Variants in GPHN observed in about 807,000 individuals in gnomAD.
GPHN encodes gephyrin.
A neutral mutation model predicts 95.5 loss-of-function variants in GPHN; 17 were observed. That is an observed-to-expected ratio of 0.18 (90% CI 0.12 to 0.27). The LOEUF (loss-of-function observed/expected upper bound fraction) is 0.27. Among genes scored for constraint, GPHN ranks in the 10% least tolerant of loss-of-function variants. GPHN has a pLI of 1.00. For synonymous variants in GPHN, 320 were observed against 322.5 expected (o/e 0.99, Z 0.08); for missense variants, 660 against 978.1 (o/e 0.67, Z 4.34).
the GPHN span, among the ~76,000 whole-genome samples, chr14:67,539,693 G>A: frequency 6.6e-6 from 1 of 152,032 alleles, no homozygotes; most frequent in Non-Finnish European, 1.5e-5. Flanking sequence ...TTTTGGATGG[G>A]TAAAGAGCAC....
rs150197862 is a variant in GPHN at position 66,808,992 on chromosome 14, A to C, written c.202-15482A>C. On this transcript the variant is annotated intron_variant, in intron 3 of 22. Coordinates refer to ENST00000478722, the MANE Select transcript of GPHN (RefSeq NM_020806.5). ...TTTTCAGAAGTTCAAGTGTGGCTAA[A>C]GTCAAGGGATTATTAATTCTATTTG... 3.2e-3 allele frequency among the ~76,000 whole-genome samples: 488 copies of C among 152,322 alleles called. 2 individuals are homozygous for C. Among genetic ancestry groups the C allele is most frequent in the African/African-American group, 0.011 (463 of 41,566 alleles).
At chr14:67,404,488 G>A in the GPHN span, among the ~76,000 whole-genome samples, 8 of 151,988 alleles carry the variant, frequency 5.3e-5, no homozygotes, top group African/African-American at 1.9e-4. Flanking sequence ...ACCTCTAGTA[G>A]TAGTATTTTA....
the GPHN span, chr14:67,578,307 G>A: frequency 3.0e-5 from 30 of 986,620 alleles, no homozygotes; most frequent in African/African-American, 2.8e-4. This position sits in a 1 kb window ranked among gnomAD's most constrained non-coding sequence, Gnocchi z 5.0. Context: ...CCCAGCCAGC[G>A]GGCAGCCTCT....
chr14:66,529,547 CT>C (rs1318200084), intron 1 of GPHN, among the ~76,000 whole-genome samples: 1 of 152,064 alleles, frequency 6.6e-6, no homozygotes, highest in African/African-American at 2.4e-5. Flanking sequence ...AAGAGACGTT[CT>C]GGTTTTTGGA....
At chr14:66,637,784 G>A (rs2064178378) in intron 1 of GPHN, among the ~76,000 whole-genome samples, 1 of 152,242 alleles carries the variant, frequency 6.6e-6, no homozygotes. Flanking sequence ...GGGGAAACTG[G>A]TAAGTATGAG....
At chr14:67,543,972 A>G in the GPHN span, among the ~76,000 whole-genome samples, 1 of 152,146 alleles carries the variant, frequency 6.6e-6, no homozygotes, top group Non-Finnish European at 1.5e-5. Context: ...TGGCCTCCCT[A>G]GAGTAATGTA....
intron 11 of GPHN, among the ~76,000 whole-genome samples, chr14:67,078,678 A>G (rs1318533597): frequency 1.3e-5 from 2 of 152,150 alleles, no homozygotes; most frequent in East Asian, 1.9e-4. Context: ...ACATTGAATG[A>G]AGTCTAATAC....
At chr14:66,806,786 A>C (rs2060560931) in intron 3 of GPHN, among the ~76,000 whole-genome samples, 1 of 152,186 alleles carries the variant, frequency 6.6e-6, no homozygotes, top group African/African-American at 2.4e-5. Flanking sequence ...TATTGCTATC[A>C]GCATTTTGGG....
the GPHN span, chr14:67,395,384 G>A: frequency 1.6e-5 from 25 of 1,610,412 alleles, no homozygotes; most frequent in Middle Eastern, 5.1e-4. Flanking sequence ...CACAGAGCCC[G>A]GCAAGTGGGG....
intron 1 of GPHN, among the ~76,000 whole-genome samples, chr14:66,569,600 T>A (rs562914736): frequency 8.6e-5 from 13 of 151,980 alleles, no homozygotes; most frequent in South Asian, 2.1e-4. Context: ...GAGGCGGAGG[T>A]TGCAGTGAGC....
chr14:67,550,966 A>G, the GPHN span, among the ~76,000 whole-genome samples: 1 of 152,234 alleles, frequency 6.6e-6, no homozygotes, highest in South Asian at 2.1e-4. Context: ...GAGTTAATGC[A>G]TGTACAGTGC....
chr14:67,325,246 C>T, the GPHN span, among the ~76,000 whole-genome samples: 7 of 151,630 alleles, frequency 4.6e-5, no homozygotes. Context: ...ATTAACCCTT[C>T]CTCTTCCTCT....
chr14:66,698,881 G>A (rs2153413108), intron 2 of GPHN, among the ~76,000 whole-genome samples: 1 of 152,160 alleles, frequency 6.6e-6, no homozygotes, highest in African/African-American at 2.4e-5. Flanking sequence ...TCTATGTTTG[G>A]TTGAAAAAAA....
the GPHN span, among the ~76,000 whole-genome samples, chr14:67,632,709 A>G: frequency 1.9e-4 from 29 of 152,076 alleles, no homozygotes; most frequent in Middle Eastern, 6.8e-3. Context: ...GTCATTATGA[A>G]GATTCACATA....
At chr14:66,908,906 A>C (rs1401528960) in intron 5 of GPHN, among the ~76,000 whole-genome samples, 2 of 152,024 alleles carry the variant, frequency 1.3e-5, no homozygotes, top group Non-Finnish European at 2.9e-5. Context: ...AAAACAAGGA[A>C]AGCCTGAGCA....
chr14:66,990,230 A>AT (rs1395202930), intron 9 of GPHN, among the ~76,000 whole-genome samples: 1 of 152,164 alleles, frequency 6.6e-6, no homozygotes, highest in African/African-American at 2.4e-5. Flanking sequence ...AACCACCTCC[A>AT]TGATCCTATC....
At chr14:67,144,177 C>T (rs1246716566) in intron 18 of GPHN, among the ~76,000 whole-genome samples, 1 of 143,802 alleles carries the variant, frequency 7.0e-6, no homozygotes, top group Non-Finnish European at 1.5e-5. Context: ...GTCAAGGCTG[C>T]AGTGAGCTGA....
chr14:67,395,330 G>C, the GPHN span: 1 of 1,372,648 alleles, frequency 7.3e-7, no homozygotes, highest in African/African-American at 1.4e-5. Flanking sequence ...GCCCCCCCAA[G>C]GGGCAGGGTC....
At chr14:66,965,917 G>A (rs916059351) in intron 9 of GPHN, among the ~76,000 whole-genome samples, 11 of 152,008 alleles carry the variant, frequency 7.2e-5, no homozygotes, top group African/African-American at 2.7e-4. Flanking sequence ...TGTATAGGGT[G>A]AGGAAAGGAT....
Sources: allele counts gnomAD v4.1 joint callset (sites outside exome capture counted in the v4.1 genomes callset), GRCh38; gene constraint gnomAD v4.1.1; non-coding constraint Gnocchi (gnomAD v3.1); transcripts MANE v1.5; gene names NCBI Gene and HGNC (gene_info 2026-07-23, HGNC 2026-07-21).